Variants in UBE2F observed in about 807,000 individuals in gnomAD.
The protein encoded by UBE2F is ubiquitin conjugating enzyme E2 F (putative).
A neutral mutation model predicts 29.6 loss-of-function variants in UBE2F; 5 were observed. The ratio of observed to expected loss-of-function variants is 0.17; its 90% CI spans 0.09 to 0.36. The LOEUF is 0.36. UBE2F is among the 10% of genes least tolerant of loss of function. The probability of loss-of-function intolerance (pLI) is 1.00; values close to 1 mark genes in which losing one functional copy is unlikely to be tolerated. For missense variants in UBE2F, 141 were observed against 228.5 expected (o/e 0.62, Z 2.47); for synonymous variants, 66 against 81.8 (o/e 0.81, Z 1.04).
intron 3 of UBE2F, among the ~76,000 whole-genome samples, chr2:237,994,320 ATGTC>A (rs1481325077): frequency 5.9e-5 from 9 of 152,052 alleles, no homozygotes; most frequent in Non-Finnish European, 1.5e-5. Flanking sequence ...TGGTGACTGA[ATGTC>A]TGTGGTGCTA....
intron 4 of UBE2F, among the ~76,000 whole-genome samples, chr2:238,015,667 A>G (rs1192053183): frequency 6.6e-6 from 1 of 152,210 alleles, no homozygotes; most frequent in Non-Finnish European, 1.5e-5. Flanking sequence ...ATTTGAGGAA[A>G]ATGATAAGAT....
intron 2 of UBE2F, among the ~76,000 whole-genome samples, chr2:237,975,933 T>C (rs2063273251): frequency 6.6e-6 from 1 of 150,826 alleles, no homozygotes; most frequent in Non-Finnish European, 1.5e-5. Context: ...CCACTGTGCC[T>C]GGCCTGTACT....
At chr2:238,013,303 A>G (rs1319989393) in intron 4 of UBE2F, among the ~76,000 whole-genome samples, 1 of 152,208 alleles carries the variant, frequency 6.6e-6, no homozygotes, top group Non-Finnish European at 1.5e-5. Context: ...AAATGGTTAT[A>G]GATAGGGAAA....
intron 4 of UBE2F, among the ~76,000 whole-genome samples, chr2:238,010,343 T>C (rs544732647): frequency 2.0e-5 from 3 of 152,306 alleles, no homozygotes; most frequent in East Asian, 3.9e-4. Context: ...CCGACTGATT[T>C]TTGTATTCTT....
chr2:237,985,475 G>A (rs1472963546), intron 2 of UBE2F, among the ~76,000 whole-genome samples: 1 of 152,002 alleles, frequency 6.6e-6, no homozygotes, highest in Admixed American at 6.6e-5. Flanking sequence ...TGTGTGTCTG[G>A]CTTATTTTAT....
chr2:237,997,645 T>C (rs547276778), intron 4 of UBE2F, among the ~76,000 whole-genome samples: 42 of 152,322 alleles, frequency 2.8e-4, no homozygotes, highest in African/African-American at 1.0e-3. Flanking sequence ...CTCACTAATA[T>C]CTATGATCTG....
intron 3 of UBE2F, among the ~76,000 whole-genome samples, chr2:237,993,221 C>G (rs1219235267): frequency 6.6e-6 from 1 of 151,948 alleles, no homozygotes; most frequent in East Asian, 1.9e-4. Context: ...CTACTGACCT[C>G]GTGAACCGCC....
chr2:238,035,395 C>T (rs1413034016), intron 8 of UBE2F: 2 of 167,846 alleles, frequency 1.2e-5, no homozygotes, highest in African/African-American at 4.8e-5. Context: ...GGGTTCTAGA[C>T]ATCGTCCCTA....
chr2:237,985,207 G>A (rs895876797), intron 2 of UBE2F, among the ~76,000 whole-genome samples: 5 of 152,056 alleles, frequency 3.3e-5, no homozygotes, highest in Non-Finnish European at 7.3e-5. Context: ...TCATCTTCTT[G>A]TATAGTTTAC....
At chr2:238,030,392 G>A (rs1024663812) in intron 6 of UBE2F, among the ~76,000 whole-genome samples, 164 bp from the exon 7 acceptor site, 2 of 152,112 alleles carry the variant, frequency 1.3e-5, no homozygotes, top group Non-Finnish European at 2.9e-5. Flanking sequence ...CCTTGGAGGT[G>A]GAAATGCCTT....
intron 4 of UBE2F, among the ~76,000 whole-genome samples, chr2:238,009,410 G>A (rs1025308856): frequency 1.3e-5 from 2 of 152,082 alleles, no homozygotes; most frequent in African/African-American, 4.8e-5. Context: ...CCATTGGGTC[G>A]CAGGTCTTCG....
At chr2:237,977,564 T>C (rs1489531184) in intron 2 of UBE2F, among the ~76,000 whole-genome samples, 1 of 152,156 alleles carries the variant, frequency 6.6e-6, no homozygotes, top group Non-Finnish European at 1.5e-5. Flanking sequence ...CCTAGAGTGC[T>C]CCTTTGTTTA....
chr2:238,004,394 TA>T (rs1006414600), intron 4 of UBE2F, among the ~76,000 whole-genome samples: 145 of 150,814 alleles, frequency 9.6e-4, no homozygotes, highest in African/African-American at 3.2e-3. Flanking sequence ...TGTGCTCATT[TA>T]AAAAAAAATA....
At chr2:237,968,338 G>A (rs80118729) in intron 1 of UBE2F, among the ~76,000 whole-genome samples, 2,739 of 152,236 alleles carry the variant, frequency 0.018, 82 homozygotes, top group African/African-American at 0.061. Flanking sequence ...CGTAAAAGGG[G>A]CTGGGCTCCA....
intron 4 of UBE2F, chr2:238,003,592 T>G (rs1449508446): frequency 3.5e-6 from 1 of 282,648 alleles, no homozygotes; most frequent in Non-Finnish European, 7.4e-6. Context: ...ATTCTGGTGG[T>G]CTCCAGTAAA....
chr2:237,988,992 TGTC>T (rs1284451351), intron 3 of UBE2F, among the ~76,000 whole-genome samples: 1 of 152,250 alleles, frequency 6.6e-6, no homozygotes, highest in Admixed American at 6.5e-5. Context: ...TTGTAATACA[TGTC>T]GTATTCTCTC....
At chr2:238,022,834 A>G (rs2064328046) in intron 5 of UBE2F, among the ~76,000 whole-genome samples, 1 of 152,134 alleles carries the variant, frequency 6.6e-6, no homozygotes, top group South Asian at 2.1e-4. Context: ...GCTGTGGGCC[A>G]CTGGGGTTGG....
At chr2:237,970,978 G>T (rs1207950948) in intron 1 of UBE2F, among the ~76,000 whole-genome samples, 6 of 152,236 alleles carry the variant, frequency 3.9e-5, no homozygotes, top group Non-Finnish European at 7.3e-5. Flanking sequence ...CTACCGAAGT[G>T]CTGGGATTAT....
At chr2:238,037,999 C>T (rs2064755093) in intron 9 of UBE2F, among the ~76,000 whole-genome samples, 1 of 152,134 alleles carries the variant, frequency 6.6e-6, no homozygotes, top group African/African-American at 2.4e-5. Context: ...TACTGTGTGC[C>T]GCGACCAAGT....
Sources: gnomAD v4.1 joint callset for allele counts (sites outside exome capture counted in the v4.1 genomes callset) on GRCh38, gnomAD v4.1.1 for gene constraint, MANE v1.5 for transcripts, NCBI Gene and HGNC (gene_info 2026-07-23, HGNC 2026-07-21) for gene names.